CBLB: variants seen among roughly 807,000 people sequenced by gnomAD.
The protein encoded by CBLB is E3 ubiquitin-protein ligase CBL-B.
Under a neutral mutation model 104.9 loss-of-function variants are expected in CBLB, and 31 were observed. That is an observed-to-expected ratio of 0.30 (90% CI 0.22 to 0.40). CBLB has a LOEUF of 0.40. Ranked by LOEUF, CBLB falls within the 10% of genes least tolerant of loss-of-function variation. The probability of loss-of-function intolerance (pLI) is 1.00; values close to 1 mark genes in which losing one functional copy is unlikely to be tolerated. For synonymous variants in CBLB, 440 were observed against 422.6 expected (o/e 1.04, Z -0.51); for missense variants, 1,062 against 1,214.6 (o/e 0.87, Z 1.87).
intron 4 of CBLB, 35 bp from the exon 5 acceptor site, chr3:105,751,653 T>C: frequency 1.3e-6 from 2 of 1,570,094 alleles, no homozygotes; most frequent in Non-Finnish European, 1.8e-6. Flanking sequence ...AATAATTGAA[T>C]CAAGTATCAT....
intron 12 of CBLB, among the ~76,000 whole-genome samples, chr3:105,698,700 C>G (rs535006935): frequency 6.6e-6 from 1 of 151,236 alleles, no homozygotes; most frequent in East Asian, 2.0e-4. Flanking sequence ...ATCTCCCACT[C>G]TTTAATCCAA....
intron 10 of CBLB, among the ~76,000 whole-genome samples, chr3:105,708,651 TCA>T (rs2070590886): frequency 6.6e-6 from 1 of 151,992 alleles, no homozygotes; most frequent in African/African-American, 2.4e-5. Context: ...TATTTAAATT[TCA>T]GTTATAATAT....
intron 3 of CBLB, among the ~76,000 whole-genome samples, chr3:105,847,668 C>G (rs956329948): frequency 6.6e-6 from 1 of 151,852 alleles, no homozygotes; most frequent in Non-Finnish European, 1.5e-5. Context: ...GGTTGTAGCA[C>G]CCTGGCTCAC....
chr3:105,670,669 C>CCTA (rs1238423874), intron 17 of CBLB: 1 of 335,958 alleles, frequency 3.0e-6, no homozygotes, highest in Non-Finnish European at 5.6e-6. Context: ...CCCAATCCAA[C>CCTA]CTGTACAATG....
rs192978130 is a variant in CBLB at position 105,835,222 on chromosome 3, T to G, written c.419+18192A>C. 4.4e-3 allele frequency among the ~76,000 whole-genome samples: 670 copies of G among 152,338 alleles called. 5 individuals are homozygous for G. Among genetic ancestry groups the G allele is most frequent in the African/African-American group, 0.016 (648 of 41,582 alleles). On this transcript the variant is annotated intron_variant, in intron 3 of 18. Coordinates refer to ENST00000394030, the MANE Select transcript of CBLB (RefSeq NM_170662.5). Reference sequence around the variant, plus strand: ...TGAATGTATTTTCCTATATCATGAATAGTTCTAAAAACGAGCTTCAGTTTG... The same window carrying G: ...TGAATGTATTTTCCTATATCATGAAGAGTTCTAAAAACGAGCTTCAGTTTG...
intron 3 of CBLB, among the ~76,000 whole-genome samples, chr3:105,795,914 T>C (rs938253295): frequency 6.6e-6 from 1 of 151,696 alleles, no homozygotes; most frequent in Middle Eastern, 3.4e-3. Context: ...TGGTTAATTT[T>C]TGTATTTTTA....
chr3:105,760,337 T>C (rs1019551778), intron 4 of CBLB, among the ~76,000 whole-genome samples: 1 of 152,156 alleles, frequency 6.6e-6, no homozygotes, highest in Non-Finnish European at 1.5e-5. Flanking sequence ...TAGAAGCCAC[T>C]GACTGTAAAA....
chr3:105,867,460 C>T lies in CBLB; in HGVS notation c.118G>A (p.Ala40Thr). The change falls in exon 2 of 19, where the codon GCC becomes ACC. Residue 40 changes from alanine (A) to threonine (T), a missense_variant. Ala to Thr is a moderately conservative substitution (Grantham distance 58). This residue lies in a region of CBLB where 457 missense variants were observed against 632.0 expected (regional missense o/e 0.72). Transcript: ENST00000394030. ...TTCTCCACGGTCCTGCGATCTGCGG[C>T]AGCTTGCTTAGGGGGTCCAACTGCA... ...QDAVGPPKQA[A>T]ADRRTVEKTW... The T allele has an allele frequency of 1.2e-6, 2 of 1,614,222 alleles. No homozygotes were observed. The highest frequency in any genetic ancestry group is 1.1e-5 in the South Asian group (1 of 91,084).
intron 3 of CBLB, among the ~76,000 whole-genome samples, chr3:105,776,845 T>C (rs2079540417): frequency 6.6e-6 from 1 of 152,086 alleles, no homozygotes; most frequent in Admixed American, 6.5e-5. Context: ...GATGGACACT[T>C]AAAAAATTAA....
chr3:105,768,157 A>G (rs1159211813), intron 4 of CBLB, among the ~76,000 whole-genome samples: 1 of 152,264 alleles, frequency 6.6e-6, no homozygotes, highest in African/African-American at 2.4e-5. Context: ...TGACAACTAG[A>G]CAAATACTTG....
chr3:105,702,272 C>T lies in CBLB; in HGVS notation c.1781G>A (p.Cys594Tyr). ...ATTAGTCCCAAACACATCCCGAGGG[C>T]ACCATGCTTCAAGAGGCATTGGCGG... is the stretch of plus-strand genomic sequence containing the variant. ...RDPPMPLEAW[C>Y]PRDVFGTNQL... The change falls in exon 12 of 19, where the codon TGC becomes TAC. Residue 594 changes from cysteine (C) to tyrosine (Y), a missense_variant. Around this residue, in one of 2 missense-constraint regions of CBLB, gnomAD observed 605 missense variants for 582.6 expected, o/e 1.04. Transcript: ENST00000394030. 1.2e-6 allele frequency: 2 copies of T among 1,613,966 alleles called. No homozygotes were observed. The highest frequency in any genetic ancestry group is 1.7e-6 in the Non-Finnish European group (2 of 1,179,968).
chr3:105,737,340 T>C (rs904135864), intron 7 of CBLB, 82 bp from the exon 8 acceptor site: 12 of 652,552 alleles, frequency 1.8e-5, no homozygotes, highest in Non-Finnish European at 2.7e-5. Flanking sequence ...TTTTTCTATA[T>C]TCAAACATAC....
chr3:105,729,777 G>A (rs2074105754), intron 9 of CBLB, among the ~76,000 whole-genome samples: 1 of 152,008 alleles, frequency 6.6e-6, no homozygotes, highest in Admixed American at 6.6e-5. Flanking sequence ...CATATCTAAT[G>A]TTTTACAACT....
At chr3:105,745,239 G>A (rs1047732466) in intron 6 of CBLB, among the ~76,000 whole-genome samples, 5 of 152,172 alleles carry the variant, frequency 3.3e-5, no homozygotes, top group African/African-American at 1.2e-4. Context: ...ATGGGAAAAT[G>A]CACTGAACCA....
intron 4 of CBLB, among the ~76,000 whole-genome samples, chr3:105,770,749 C>T (rs2078780378): frequency 1.3e-5 from 2 of 152,240 alleles, no homozygotes; most frequent in South Asian, 4.1e-4. Context: ...TGACCTGGGG[C>T]AGGTCTGAGT....
At chr3:105,749,721 G>A in intron 5 of CBLB, 1 of 288,144 alleles carries the variant, frequency 3.5e-6, no homozygotes, top group Non-Finnish European at 7.0e-6. Flanking sequence ...GAATGTCTTT[G>A]TATCATGTTA....
At chr3:105,768,281 G>A (rs1193316973) in intron 4 of CBLB, among the ~76,000 whole-genome samples, 2 of 152,114 alleles carry the variant, frequency 1.3e-5, no homozygotes, top group African/African-American at 4.8e-5. Flanking sequence ...TTATCTTTGA[G>A]GGATTAGTAA....
At chr3:105,667,945 A>G (rs1354899763) in intron 18 of CBLB, among the ~76,000 whole-genome samples, 1 of 152,224 alleles carries the variant, frequency 6.6e-6, no homozygotes, top group Non-Finnish European at 1.5e-5. Flanking sequence ...TTCAGTCTCA[A>G]GGGTTGAATG....
chr3:105,717,371 A>G (rs1013061604), intron 10 of CBLB, among the ~76,000 whole-genome samples: 1 of 152,180 alleles, frequency 6.6e-6, no homozygotes, highest in African/African-American at 2.4e-5. Context: ...CATCCATTCA[A>G]TAACCATTCT....
Sources: allele counts gnomAD v4.1 joint callset (sites outside exome capture counted in the v4.1 genomes callset), GRCh38; gene constraint gnomAD v4.1.1; regional missense constraint gnomAD v4.1.1; transcripts MANE v1.5; gene names NCBI Gene and HGNC (gene_info 2026-07-23, HGNC 2026-07-21).